The following GPC5 variants were observed in gnomAD, a reference collection of about 807,000 sequenced individuals.
The protein encoded by GPC5 is glypican-5.
In GPC5, 47 loss-of-function variants were observed where a neutral mutation model predicts 53.9. That is an observed-to-expected ratio of 0.87 (90% CI 0.69 to 1.11). The LOEUF is 1.11. Ranked by LOEUF, GPC5 falls within the 50% of genes most tolerant of loss-of-function variation. The probability of loss-of-function intolerance (pLI) is 0.00; values close to 1 mark genes in which losing one functional copy is unlikely to be tolerated. For missense variants in GPC5, 748 were observed against 713.1 expected, an observed-to-expected ratio of 1.05 and a Z score of -0.56; for synonymous variants, 286 against 263.3, an observed-to-expected ratio of 1.09 and a Z score of -0.84.
At chr13:91,965,212 C>A (rs1044453249) in intron 6 of GPC5, among the ~76,000 whole-genome samples, 3 of 152,060 alleles carry the variant, frequency 2.0e-5, no homozygotes, top group Non-Finnish European at 4.4e-5. Context: ...TACACATGTA[C>A]CCAGAACTTA....
At chr13:91,835,582 C>T (rs906222511) in intron 5 of GPC5, among the ~76,000 whole-genome samples, 1 of 152,100 alleles carries the variant, frequency 6.6e-6, no homozygotes, top group Non-Finnish European at 1.5e-5. Flanking sequence ...ATGTCCTTTG[C>T]AGGGACGTGC....
chr13:91,676,220 G>T (rs185857197), intron 2 of GPC5, among the ~76,000 whole-genome samples: 2 of 152,026 alleles, frequency 1.3e-5, no homozygotes, highest in East Asian at 1.9e-4. Flanking sequence ...ACAGGTGCCC[G>T]CCACCACGCC....
At chr13:92,823,967 T>A (rs1566433634) in intron 7 of GPC5, among the ~76,000 whole-genome samples, 1 of 152,080 alleles carries the variant, frequency 6.6e-6, no homozygotes, top group Non-Finnish European at 1.5e-5. Context: ...CCTTTACTGA[T>A]GATTTGTTTT....
chr13:91,907,360 G>A (rs1422136462), intron 5 of GPC5, among the ~76,000 whole-genome samples: 2 of 146,796 alleles, frequency 1.4e-5, no homozygotes, highest in African/African-American at 5.0e-5. Context: ...TTATTACTTG[G>A]AGGAACTAAT....
At chr13:91,627,929 TTATCTC>T (rs2139405399) in intron 2 of GPC5, among the ~76,000 whole-genome samples, 1 of 152,244 alleles carries the variant, frequency 6.6e-6, no homozygotes, top group South Asian at 2.1e-4. Flanking sequence ...GAAATTGAGT[TTATCTC>T]TATATAAGGG....
intron 6 of GPC5, among the ~76,000 whole-genome samples, chr13:92,137,916 T>C (rs1440933895): frequency 6.6e-6 from 1 of 152,150 alleles, no homozygotes; most frequent in Admixed American, 6.6e-5. Context: ...AACTATGGAT[T>C]CTGGGTGATG....
At chr13:92,849,819 G>A (rs576839642) in intron 7 of GPC5, among the ~76,000 whole-genome samples, 5 of 152,186 alleles carry the variant, frequency 3.3e-5, no homozygotes, top group African/African-American at 9.6e-5. Flanking sequence ...TAAGTTTCTC[G>A]GCAAAATGAA....
chr13:92,003,651 AT>A (rs1264717041), intron 6 of GPC5, among the ~76,000 whole-genome samples: 1 of 152,178 alleles, frequency 6.6e-6, no homozygotes, highest in Non-Finnish European at 1.5e-5. Context: ...TTAATTCTTG[AT>A]TGTAATAGTG....
intron 7 of GPC5, among the ~76,000 whole-genome samples, chr13:92,657,580 T>TG (rs983381565): frequency 3.0e-5 from 1 of 33,580 alleles, no homozygotes; most frequent in African/African-American, 8.6e-5. Flanking sequence ...GGTTTTTTGG[T>TG]TTTTTTTTTT....
chr13:92,399,334 A>G (rs1450545389), intron 7 of GPC5, among the ~76,000 whole-genome samples: 2 of 152,210 alleles, frequency 1.3e-5, no homozygotes, highest in African/African-American at 2.4e-5. Context: ...ATTAAGTGCT[A>G]TTGGACAACA....
intron 5 of GPC5, among the ~76,000 whole-genome samples, chr13:91,806,362 A>T (rs1447667659): frequency 6.6e-6 from 1 of 151,700 alleles, no homozygotes; most frequent in Admixed American, 6.6e-5. Flanking sequence ...TATTTAGGGA[A>T]CTTATTTTTT....
At chr13:91,495,929 A>G (rs1884230019) in intron 2 of GPC5, among the ~76,000 whole-genome samples, 1 of 152,184 alleles carries the variant, frequency 6.6e-6, no homozygotes. Flanking sequence ...AAGCTGAGGC[A>G]GGAGAATTGC....
At chr13:92,309,276 G>A (rs1399956397) in intron 7 of GPC5, among the ~76,000 whole-genome samples, 1 of 152,012 alleles carries the variant, frequency 6.6e-6, no homozygotes, top group Non-Finnish European at 1.5e-5. Context: ...TAGGGATCTG[G>A]CACAGGATTA....
chr13:92,307,679 C>G (rs1371661436), intron 7 of GPC5, among the ~76,000 whole-genome samples: 5 of 152,198 alleles, frequency 3.3e-5, no homozygotes, highest in Admixed American at 6.5e-5. Flanking sequence ...AAAGCTACTT[C>G]TCTCTCATCT....
At chr13:91,835,130 T>C (rs1402033307) in intron 5 of GPC5, among the ~76,000 whole-genome samples, 2 of 151,876 alleles carry the variant, frequency 1.3e-5, no homozygotes, top group African/African-American at 2.4e-5. Flanking sequence ...CCAAGAAACA[T>C]ATGAAATCTC....
intron 6 of GPC5, among the ~76,000 whole-genome samples, chr13:91,923,593 G>A (rs2039737760): frequency 6.6e-6 from 1 of 151,576 alleles, no homozygotes; most frequent in South Asian, 2.1e-4. Flanking sequence ...TGTAAGTTTT[G>A]CATTATATGT....
chr13:92,683,210 T>G (rs1282715495), intron 7 of GPC5, among the ~76,000 whole-genome samples: 2 of 151,244 alleles, frequency 1.3e-5, no homozygotes, highest in Non-Finnish European at 2.9e-5. Context: ...AAAGAAAAAA[T>G]GATTTAGAAA....
chr13:91,512,069 G>T (rs1005739241), intron 2 of GPC5, among the ~76,000 whole-genome samples: 1 of 152,138 alleles, frequency 6.6e-6, no homozygotes, highest in Non-Finnish European at 1.5e-5. Flanking sequence ...TAGTTAGATG[G>T]AAATCACCAC....
At chr13:92,078,167 A>G (rs771166982) in intron 6 of GPC5, among the ~76,000 whole-genome samples, 20 of 152,232 alleles carry the variant, frequency 1.3e-4, no homozygotes, top group Non-Finnish European at 2.6e-4. Flanking sequence ...AGAAATATCT[A>G]AAGTGTTTTT....
Sources: allele counts gnomAD v4.1 joint callset (sites outside exome capture counted in the v4.1 genomes callset), GRCh38; gene constraint gnomAD v4.1.1; transcripts MANE v1.5; gene names NCBI Gene and HGNC (gene_info 2026-07-23, HGNC 2026-07-21).